The following ST6GALNAC3 variants were observed in gnomAD, a reference collection of about 807,000 sequenced individuals.
ST6GALNAC3 encodes the protein ST6 N-acetylgalactosaminide alpha-2,6-sialyltransferase 3, also known as alpha-N-acetylgalactosaminide alpha-2,6-sialyltransferase 3.
ST6GALNAC3 carries 25 observed loss-of-function variants against 32.7 expected under a neutral mutation model. The ratio of observed to expected loss-of-function variants is 0.76; its 90% CI spans 0.56 to 1.07. ST6GALNAC3 has a LOEUF of 1.07. ST6GALNAC3 is among the 50% of genes least tolerant of loss of function. The pLI is 0.00. For synonymous variants in ST6GALNAC3, 129 were observed against 133.1 expected, an observed-to-expected ratio of 0.97 and a Z score of 0.21; for missense variants, 355 against 382.4, an observed-to-expected ratio of 0.93 and a Z score of 0.60.
downstream of ST6GALNAC3, chr1:76,636,880 T>A (rs575854392): frequency 6.6e-6 from 1 of 152,322 alleles, no homozygotes; most frequent in Admixed American, 6.5e-5. Context: ...ATGTTTACCT[T>A]CTTTCAGAAT....
chr1:76,157,020 G>A (rs1008407737), intron 1 of ST6GALNAC3, among the ~76,000 whole-genome samples: 1 of 152,124 alleles, frequency 6.6e-6, no homozygotes, highest in South Asian at 2.1e-4. Context: ...TGTAAGCCAC[G>A]GCGCCCAGCC....
intron 2 of ST6GALNAC3, among the ~76,000 whole-genome samples, chr1:76,337,255 C>G (rs1198261796): frequency 6.6e-6 from 1 of 152,204 alleles, no homozygotes; most frequent in Middle Eastern, 3.2e-3. Context: ...GCTGTATCAG[C>G]AATTGGATGC....
intron 3 of ST6GALNAC3, among the ~76,000 whole-genome samples, chr1:76,526,835 T>C (rs1662941256): frequency 6.6e-6 from 1 of 152,116 alleles, no homozygotes; most frequent in Admixed American, 6.6e-5. Flanking sequence ...AGTTCCTAAT[T>C]AAACTGTATT....
chr1:76,139,596 C>G (rs962961895), intron 1 of ST6GALNAC3, among the ~76,000 whole-genome samples: 1 of 152,142 alleles, frequency 6.6e-6, no homozygotes, highest in African/African-American at 2.4e-5. Flanking sequence ...GACATAGATT[C>G]TCAGAGAGAG....
chr1:76,485,315 AC>A (rs989627497), intron 3 of ST6GALNAC3, among the ~76,000 whole-genome samples: 42 of 152,196 alleles, frequency 2.8e-4, no homozygotes, highest in African/African-American at 1.0e-3. Context: ...TCCTCCTTGT[AC>A]CTCTGGTAGA....
intron 2 of ST6GALNAC3, among the ~76,000 whole-genome samples, chr1:76,361,413 T>C (rs1466204653): frequency 6.6e-6 from 1 of 152,186 alleles, no homozygotes; most frequent in Non-Finnish European, 1.5e-5. Flanking sequence ...TTGATTTCCC[T>C]CCTATTTCCC....
intron 3 of ST6GALNAC3, among the ~76,000 whole-genome samples, chr1:76,528,167 A>C (rs1183925271): frequency 6.6e-6 from 1 of 152,156 alleles, no homozygotes; most frequent in East Asian, 1.9e-4. Context: ...GAATGTGAGA[A>C]TATCAAAGAA....
chr1:76,214,116 AG>A (rs1655328112), intron 1 of ST6GALNAC3, among the ~76,000 whole-genome samples: 1 of 152,160 alleles, frequency 6.6e-6, no homozygotes, highest in Non-Finnish European at 1.5e-5. Context: ...ATTCCTCCCT[AG>A]CCGCACAGCC....
chr1:76,516,954 T>TA (rs1459617255), intron 3 of ST6GALNAC3, among the ~76,000 whole-genome samples: 2 of 152,016 alleles, frequency 1.3e-5, no homozygotes, highest in Admixed American at 1.3e-4. Flanking sequence ...ATATGTATAG[T>TA]AAAATCTTTC....
At chr1:76,552,584 A>C (rs1664700090) in intron 3 of ST6GALNAC3, among the ~76,000 whole-genome samples, 2 of 152,082 alleles carry the variant, frequency 1.3e-5, no homozygotes, top group Non-Finnish European at 2.9e-5. Context: ...TGTTACCTTT[A>C]TGTTGATCAT....
intron 1 of ST6GALNAC3, among the ~76,000 whole-genome samples, chr1:76,183,454 CAT>C (rs1189468113): frequency 6.6e-6 from 1 of 151,904 alleles, no homozygotes; most frequent in African/African-American, 2.4e-5. Flanking sequence ...GTTATTGAAA[CAT>C]ATGAGTGTCA....
intron 1 of ST6GALNAC3, among the ~76,000 whole-genome samples, chr1:76,220,271 A>G (rs1024881230): frequency 1.3e-5 from 2 of 152,114 alleles, no homozygotes; most frequent in African/African-American, 2.4e-5. Flanking sequence ...CCTAATTTGT[A>G]TTTTTTAGGA....
At chr1:76,217,976 A>G (rs1248988159) in intron 1 of ST6GALNAC3, among the ~76,000 whole-genome samples, 1 of 152,098 alleles carries the variant, frequency 6.6e-6, no homozygotes, top group East Asian at 1.9e-4. Flanking sequence ...TGCTATAAAC[A>G]TGCGTGTGCA....
intron 1 of ST6GALNAC3, among the ~76,000 whole-genome samples, chr1:76,277,189 A>G (rs1286541151): frequency 2.0e-5 from 3 of 152,208 alleles, no homozygotes; most frequent in African/African-American, 7.2e-5. Flanking sequence ...TATGGTTGAT[A>G]TTTTGTTGTC....
chr1:76,312,575 C>CA (rs57518127), intron 1 of ST6GALNAC3, among the ~76,000 whole-genome samples: 3,115 of 145,652 alleles, frequency 0.021, 88 homozygotes, highest in African/African-American at 0.069. Context: ...AACAAATTTA[C>CA]AAAAAAAAAA....
intron 1 of ST6GALNAC3, among the ~76,000 whole-genome samples, chr1:76,175,711 A>C (rs1652807099): frequency 6.6e-6 from 1 of 152,192 alleles, no homozygotes; most frequent in African/African-American, 2.4e-5. Context: ...TTTGCCATGA[A>C]AAGGAGAAAA....
At chr1:76,393,859 T>A (rs1402616859) in intron 2 of ST6GALNAC3, among the ~76,000 whole-genome samples, 1 of 152,124 alleles carries the variant, frequency 6.6e-6, no homozygotes, top group African/African-American at 2.4e-5. Context: ...GTTGTGAGGA[T>A]ACAAGAGTGG....
Position 76,629,497 on chromosome 1 carries a change from C to T in ST6GALNAC3, c.*691C>T. 2.0e-6 allele frequency: 2 copies of T among 984,954 alleles called. No individual in the cohort carries two copies. The highest frequency in any genetic ancestry group is 2.4e-6 in the Non-Finnish European group (2 of 829,236). 61.0% of individuals were successfully genotyped at this position (984,954 alleles called of 1,614,324 possible). On this transcript the variant is annotated 3_prime_UTR_variant, in exon 5 of 5. Transcript: ENST00000328299. ...AAATCTTGATGAATTTCCACTCTTA[C>T]CATCCATTCTTACTACCAACAGTAT...
At chr1:76,496,725 G>T (rs189980532) in intron 3 of ST6GALNAC3, among the ~76,000 whole-genome samples, 38 of 152,206 alleles carry the variant, frequency 2.5e-4, no homozygotes, top group South Asian at 2.1e-3. Context: ...AGCAGTGAAG[G>T]TTCCTTAATG....
Sources: allele counts gnomAD v4.1 joint callset (sites outside exome capture counted in the v4.1 genomes callset), GRCh38; gene constraint gnomAD v4.1.1; transcripts MANE v1.5; gene names NCBI Gene and HGNC (gene_info 2026-07-23, HGNC 2026-07-21).